The following HIP1R variants were observed in gnomAD, a reference collection of about 807,000 sequenced individuals.
HIP1R encodes the protein huntingtin-interacting protein 1-related protein.
HIP1R carries 135 observed loss-of-function variants against 144.2 expected under a neutral mutation model. That is an observed-to-expected ratio of 0.94 (90% CI 0.81 to 1.08). The LOEUF (loss-of-function observed/expected upper bound fraction) is 1.08, where lower values mean the gene tolerates loss of function less well. Among genes scored for constraint, HIP1R ranks in the 50% least tolerant of loss-of-function variants. HIP1R has a pLI of 0.00. For missense variants in HIP1R, 1,462 were observed against 1,432.8 expected, an observed-to-expected ratio of 1.02 and a Z score of -0.33; for synonymous variants, 698 against 612.8, an observed-to-expected ratio of 1.14 and a Z score of -2.05.
chr12:122,847,311 G>T (rs75550241), intron 1 of HIP1R, among the ~76,000 whole-genome samples: 6 of 151,606 alleles, frequency 4.0e-5, no homozygotes, highest in African/African-American at 9.7e-5. Flanking sequence ...GGCGGGGGGG[G>T]AGGGGTGAGA....
upstream of HIP1R, chr12:122,835,088 C>T (rs866152434): frequency 9.8e-6 from 10 of 1,022,202 alleles, no homozygotes; most frequent in African/African-American, 1.2e-4. Context: ...GGTTCCCCCT[C>T]CCCCTTCCCC....
At chr12:122,854,342 A>G (rs1391509407) in intron 8 of HIP1R, among the ~76,000 whole-genome samples, 159 bp downstream of exon 8, 9 of 1,488 alleles carry the variant, frequency 6.0e-3, no homozygotes, top group Admixed American at 0.03. Context: ...TATTTTATGA[A>G]AAAAAAAAAA....
Position 122,856,637 on chromosome 12 carries a change from A to G in HIP1R, c.1531A>G (p.Ser511Gly). Residue 511 changes from serine to glycine, a missense_variant, in exon 17 of 32, where the codon AGC (serine) becomes GGC (glycine). Physicochemically the swap from Ser to Gly is moderately conservative, Grantham distance 56. Around this residue, in one of 2 missense-constraint regions of HIP1R, gnomAD observed 1,112 missense variants for 1,011.7 expected, o/e 1.10. Transcript: ENST00000253083. The stretch of plus-strand genomic sequence containing the variant: ...TGTCCTGTCCCAGCTAGAGGAGAAG[A>G]GCGACCAGCTGGAGAAGCTCAAGAG... ...RESELKLEEK[S>G]DQLEKLKREL... 1 of 1,605,430 alleles carries G rather than the reference A, an allele frequency of 6.2e-7. No homozygotes were observed.
intron 1 of HIP1R, among the ~76,000 whole-genome samples, chr12:122,844,129 A>G (rs1182422020): frequency 2.0e-5 from 3 of 151,874 alleles, no homozygotes; most frequent in Admixed American, 6.6e-5. Flanking sequence ...ATGAGCCACC[A>G]CACCTGGCCT....
chr12:122,849,473 G>A lies in HIP1R; in HGVS notation c.358-402G>A, dbSNP rs926335794. Among the ~76,000 whole-genome samples, 2 of 152,260 alleles carry A rather than the reference G, an allele frequency of 1.3e-5. 1 individual carries two copies. The highest frequency in any genetic ancestry group is 2.9e-5 in the Non-Finnish European group (2 of 68,050). Reference sequence around the variant, plus strand: ...TGCCCGGACTCACTTCCCTTGAAGCGAGGAAAACACTGCCCATGGTGCCAC... The same window carrying A: ...TGCCCGGACTCACTTCCCTTGAAGCAAGGAAAACACTGCCCATGGTGCCAC... On this transcript the variant is annotated intron_variant, in intron 4 of 31. Transcript: ENST00000253083.
intron 1 of HIP1R, among the ~76,000 whole-genome samples, chr12:122,839,180 C>T (rs1332847704): frequency 6.6e-6 from 1 of 152,170 alleles, no homozygotes; most frequent in East Asian, 1.9e-4. Flanking sequence ...TGAAGCATAT[C>T]ATGAAGAAGG....
intron 18 of HIP1R, chr12:122,857,867 G>A (rs907167930): frequency 7.2e-6 from 3 of 416,942 alleles, no homozygotes; most frequent in African/African-American, 4.1e-5. Flanking sequence ...CTGGCCATTT[G>A]TGTATCTTTG....
chr12:122,854,459 G>A (rs138234472), intron 8 of HIP1R, among the ~76,000 whole-genome samples: 6 of 152,218 alleles, frequency 3.9e-5, no homozygotes, highest in Non-Finnish European at 7.4e-5. Context: ...GCTGCTCCCA[G>A]GAATCTCCCG....
In HIP1R at chr12:122,860,697, G is replaced by A; in HGVS notation, c.2679G>A (p.Val893=). ...CCCGCAGGGAGGCAGCTGACAAGGT[G>A]GTGCTTCACACGGGCAAGTATGAGG... The part of the protein sequence containing the change: ...ATQLVEAADK[V]VLHTGKYEEL... Residue 893 remains valine, a synonymous_variant, in exon 28 of 32, where the codon GTG becomes GTA. Coordinates refer to ENST00000253083, the MANE Select transcript of HIP1R (RefSeq NM_003959.3). 3.7e-6 allele frequency: 6 copies of A among 1,613,336 alleles called. No individual in the cohort carries two copies. Among genetic ancestry groups the A allele is most frequent in the Non-Finnish European group, 5.1e-6 (6 of 1,179,950 alleles).
Position 122,855,577 on chromosome 12 carries a change from G to T in HIP1R, c.1020G>T (p.Thr340=), listed in dbSNP as rs372429407. 1.3e-6 allele frequency: 2 copies of T among 1,549,706 alleles called. No homozygotes were observed. Among genetic ancestry groups the T allele is most frequent in the South Asian group, 2.4e-5 (2 of 83,988 alleles). Residue 340 remains threonine, a synonymous_variant, in exon 12 of 32, where the codon ACG becomes ACT. Coordinates refer to ENST00000253083, the MANE Select transcript of HIP1R (RefSeq NM_003959.3). The stretch of plus-strand genomic sequence containing the variant: ...TGGTGGCTGACCTCTTCGATCAGAC[G>T]TTTGGACCCCCCAATGGGTCTGTGA... ...PVVVADLFDQ[T]FGPPNGSVKD...
At chr12:122,848,693 T>C in intron 3 of HIP1R, 85 bp downstream of exon 3, 1 of 1,594,272 alleles carries the variant, frequency 6.3e-7, no homozygotes, top group Non-Finnish European at 8.6e-7. Flanking sequence ...CCTGTCCCCG[T>C]AGCTCCGGGC....
chr12:122,855,067 TC>T lies in HIP1R; in HGVS notation c.793del (p.Arg265AlafsTer40). ...CATCTCTGCAGCCTCAGGAACTTCT[TC>T]CGCAGAGCCTCCGACATGCTGTACT... The part of the protein sequence containing the change: ...HEQFHSLRNF[F>X]RRASDMLYFK... On this transcript the variant is annotated frameshift_variant, in exon 10 of 32. Coordinates refer to ENST00000253083, the MANE Select transcript of HIP1R (RefSeq NM_003959.3). LOFTEE classifies it high-confidence loss of function. 1 of 1,613,804 alleles carries T rather than the reference TC, an allele frequency of 6.2e-7. No homozygotes were observed. The highest frequency in any genetic ancestry group is 8.5e-7 in the Non-Finnish European group (1 of 1,179,988).
intron 31 of HIP1R, 31 bp downstream of exon 31, chr12:122,861,545 T>C (rs2033774450): frequency 6.3e-7 from 1 of 1,593,572 alleles, no homozygotes; most frequent in Admixed American, 1.7e-5. Flanking sequence ...GGGGAGTTCC[T>C]GGACGGGGGT....
rs371704052 is a variant in HIP1R at position 122,860,461 on chromosome 12, G to T, written c.2598G>T (p.Ser866=). 1 of 1,613,264 alleles carries T rather than the reference G, an allele frequency of 6.2e-7. No individual in the cohort carries two copies. Among genetic ancestry groups the T allele is most frequent in the African/African-American group, 1.3e-5 (1 of 74,908 alleles). The change falls in exon 27 of 32, where the codon TCG becomes TCT. Residue 866 remains serine, a synonymous_variant. Coordinates refer to ENST00000253083, the MANE Select transcript of HIP1R (RefSeq NM_003959.3). ...AGCAGGAATTTTACGCCAAGAACTC[G>T]CGCTGGACCGAAGGCCTCATCTCGG... is the stretch of plus-strand genomic sequence containing the variant. ...ATQQEFYAKN[S]RWTEGLISAS... is the part of the protein sequence containing the mutation.
intron 6 of HIP1R, 108 bp downstream of exon 6, chr12:122,851,019 C>A: frequency 9.7e-7 from 1 of 1,030,402 alleles, no homozygotes; most frequent in Non-Finnish European, 1.4e-6. Context: ...TTGAATGAGT[C>A]CGTGGCTTTG....
intron 1 of HIP1R, among the ~76,000 whole-genome samples, chr12:122,838,667 C>T (rs1017337421): frequency 1.3e-5 from 2 of 152,312 alleles, no homozygotes; most frequent in East Asian, 3.9e-4. Flanking sequence ...CTTAGTAAGG[C>T]GTTGCAGGTG....
intron 8 of HIP1R, 94 bp from the exon 9 acceptor site, chr12:122,854,809 ATC>A: frequency 2.3e-6 from 3 of 1,316,398 alleles, no homozygotes; most frequent in Non-Finnish European, 3.2e-6. Flanking sequence ...GTGATCTCTG[ATC>A]TGTGAGTTTG....
In HIP1R at chr12:122,835,544, C is replaced by A; in HGVS notation, c.-7C>A. On this transcript the variant is annotated 5_prime_UTR_variant, in exon 1 of 32. Transcript: ENST00000253083. ...GGAGCCGGACAAAAGCGGGCGGCGG[C>A]GGCAGGATGAACAGCATCAAGAACG... 2 of 1,334,488 alleles carry A rather than the reference C, an allele frequency of 1.5e-6. No individual in the cohort carries two copies. The highest frequency in any genetic ancestry group is 1.9e-6 in the Non-Finnish European group (2 of 1,035,338). The allele number at this position is 1,334,488 out of a possible 1,614,324, so 82.7% of individuals were successfully genotyped here.
Position 122,854,134 on chromosome 12 carries a change from C to T in HIP1R, c.669C>T (p.Cys223=), listed in dbSNP as rs749665832. Reference sequence around the variant, plus strand: ...CCCTCATCCAGGTCATCCAGGACTGCAGCCACCTCTACCACTACACGGTCA... The same window carrying T: ...CCCTCATCCAGGTCATCCAGGACTGTAGCCACCTCTACCACTACACGGTCA... ...LAPLIQVIQD[C]SHLYHYTVKL... The change falls in exon 8 of 32, where the codon TGC becomes TGT. Residue 223 remains cysteine, a synonymous_variant. Coordinates refer to ENST00000253083, the MANE Select transcript of HIP1R (RefSeq NM_003959.3). 6.2e-7 allele frequency: 1 copy of T among 1,613,892 alleles called. No homozygotes were observed. The highest frequency in any genetic ancestry group is 8.5e-7 in the Non-Finnish European group (1 of 1,179,942).
Sources: gnomAD v4.1 joint callset for allele counts (sites outside exome capture counted in the v4.1 genomes callset) on GRCh38, gnomAD v4.1.1 for gene constraint, gnomAD v4.1.1 regional missense constraint, MANE v1.5 for transcripts, NCBI Gene and HGNC (gene_info 2026-07-23, HGNC 2026-07-21) for gene names.